TMEM53: variants seen among roughly 807,000 people sequenced by gnomAD.
The protein encoded by TMEM53 is novel DUF829 domain-containing protein.
A neutral mutation model predicts 21.4 loss-of-function variants in TMEM53; 14 were observed. That is an observed-to-expected ratio of 0.65 (90% CI 0.43 to 1.02). TMEM53 has a LOEUF of 1.02. Among genes scored for constraint, TMEM53 ranks in the 50% least tolerant of loss-of-function variants. The pLI is 0.00. For missense variants in TMEM53, 323 were observed against 383.6 expected (o/e 0.84, Z 1.32); for synonymous variants, 148 against 157.4 (o/e 0.94, Z 0.45).
In TMEM53 at chr1:44,670,089, C is replaced by T. The variant is rs561414434; in HGVS notation, c.61+4242G>A. Among the ~76,000 whole-genome samples the T allele has an allele frequency of 5.4e-5, 8 of 149,038 alleles. No individual in the cohort carries two copies. In the South Asian group the frequency reaches 1.3e-3, roughly 23 times the overall value. On this transcript the variant is annotated intron_variant, in intron 1 of 2. Coordinates refer to ENST00000372237, the MANE Select transcript of TMEM53 (RefSeq NM_024587.4). ...CTGGGGTTACAGGTGTGACCCACCA[C>T]GCCCAGCCAGAAAGGGCTCTTATCT... is the stretch of plus-strand genomic sequence containing the variant.
In TMEM53 at chr1:44,653,755, C is replaced by A. The variant is rs528944122; in HGVS notation, c.*804G>T. 6.6e-6 allele frequency: 1 copy of A among 152,264 alleles called. No individual in the cohort carries two copies. The highest frequency in any genetic ancestry group is 1.5e-5 in the Non-Finnish European group (1 of 68,076). The allele number at this position is 152,264 out of a possible 1,614,324, so 9.4% of individuals were successfully genotyped here. A position where few individuals can be genotyped will look rare whatever the true frequency, so the allele number is the denominator to read the frequency against. ...AGCCCCTATCCGCAGCCTGACGCTA[C>A]CCCTGACCGATATACCTTCCCTCTG... On this transcript the variant is annotated 3_prime_UTR_variant, in exon 3 of 3. Coordinates refer to ENST00000372237, the MANE Select transcript of TMEM53 (RefSeq NM_024587.4).
intron 1 of TMEM53, among the ~76,000 whole-genome samples, chr1:44,671,781 T>A (rs1645003341): frequency 6.6e-6 from 1 of 152,224 alleles, no homozygotes; most frequent in Non-Finnish European, 1.5e-5. Flanking sequence ...CTACAAAAAT[T>A]AGCCAGGCAT....
intron 2 of TMEM53, among the ~76,000 whole-genome samples, chr1:44,658,061 G>A (rs1423429726): frequency 6.6e-6 from 1 of 151,868 alleles, no homozygotes; most frequent in African/African-American, 2.4e-5. Flanking sequence ...CCTGTACAAC[G>A]GCCCATTTCC....
At chr1:44,673,917 C>T in intron 1 of TMEM53, 1 of 985,396 alleles carries the variant, frequency 1.0e-6, no homozygotes, top group Non-Finnish European at 1.2e-6. Flanking sequence ...TCGGTGACCC[C>T]GCGAGCCTCC....
At chr1:44,669,224 AT>A (rs1204878514) in intron 1 of TMEM53, among the ~76,000 whole-genome samples, 1 of 152,218 alleles carries the variant, frequency 6.6e-6, no homozygotes, top group Non-Finnish European at 1.5e-5. Context: ...TTGGCAATAT[AT>A]TGTGAACATT....
chr1:44,663,990 A>G (rs1644924490), intron 1 of TMEM53, among the ~76,000 whole-genome samples: 1 of 152,136 alleles, frequency 6.6e-6, no homozygotes, highest in Admixed American at 6.6e-5. Context: ...GCGAAACCTC[A>G]TCTCTATAAA....
Position 44,666,562 on chromosome 1 carries a change from G to A in TMEM53, c.62-6267C>T, listed in dbSNP as rs952958134. On this transcript the variant is annotated intron_variant, in intron 1 of 2. Coordinates refer to ENST00000372237, the MANE Select transcript of TMEM53 (RefSeq NM_024587.4). The stretch of plus-strand genomic sequence containing the variant: ...AAAAAGGAATGAAGTACTAATACAC[G>A]TGATAGCATGGATGAACCTTGAAAA... Among the ~76,000 whole-genome samples, 6 of 152,174 alleles carry A rather than the reference G, an allele frequency of 3.9e-5. No homozygotes were observed. In the South Asian group the frequency reaches 6.2e-4, roughly 16 times the overall value.
At position 44,654,570 on chromosome 1, in the gene TMEM53, C is replaced by A; in HGVS notation, c.823G>T (p.Val275Phe). 6.2e-7 allele frequency: 1 copy of A among 1,604,176 alleles called. No homozygotes were observed. The highest frequency in any genetic ancestry group is 8.5e-7 in the Non-Finnish European group (1 of 1,172,004). ...SLCVDFMRNC[V>F]RC is the part of the protein sequence containing the mutation. ...ATGGAGCAATGGCCTCAGCAGCGGA[C>A]GCAGTTGCGCATGAAGTCGACACAG... The change falls in exon 3 of 3, where the codon GTC becomes TTC. Residue 275 changes from valine to phenylalanine, a missense_variant. Around this residue, in one of 3 missense-constraint regions of TMEM53, gnomAD observed 269 missense variants for 334.5 expected, o/e 0.80. Coordinates refer to ENST00000372237, the MANE Select transcript of TMEM53 (RefSeq NM_024587.4). The surrounding 1 kb of genome is among the most constrained non-coding windows in gnomAD (Gnocchi z 7.0).
rs1644818681 is a variant in TMEM53, at chr1:44,653,482, A to G, written c.*1077T>C. ...GTTAGCTCATCCCAGCTCCTGTTACAATGCTGCTGCCTTCCTGCCCCCCAC... is the reference window on the plus strand; with the variant it reads ...GTTAGCTCATCCCAGCTCCTGTTACGATGCTGCTGCCTTCCTGCCCCCCAC... On this transcript the variant is annotated 3_prime_UTR_variant, in exon 3 of 3. Transcript: ENST00000372237. The G allele has an allele frequency of 6.6e-6, 1 of 152,144 alleles. No homozygotes were observed. The highest frequency in any genetic ancestry group is 1.5e-5 in the Non-Finnish European group (1 of 68,022). 9.4% of individuals were successfully genotyped at this position (152,144 alleles called of 1,614,324 possible). A position where few individuals can be genotyped will look rare whatever the true frequency, so the allele number is the denominator to read the frequency against.
At chr1:44,660,370 A>C in intron 1 of TMEM53, 75 bp from the exon 2 acceptor site, 2 of 1,532,970 alleles carry the variant, frequency 1.3e-6, no homozygotes. Context: ...CAGAGTCAGC[A>C]GCACTCCGGC....
At position 44,655,712 on chromosome 1, in the gene TMEM53, G is replaced by A. The variant is rs1287390748; in HGVS notation, c.184-503C>T. ...CCAGTACCCGAGAGCTGGCCTGCAG[G>A]CGCCAGCCCTGACCACCAGAGGCCA... On this transcript the variant is annotated intron_variant, in intron 2 of 2. Coordinates refer to ENST00000372237, the MANE Select transcript of TMEM53 (RefSeq NM_024587.4). This position sits in a 1 kb window ranked among gnomAD's most constrained non-coding sequence, Gnocchi z 4.4. Among the ~76,000 whole-genome samples the A allele has an allele frequency of 6.6e-6, 1 of 152,050 alleles. No individual in the cohort carries two copies. The highest frequency in any genetic ancestry group is 1.5e-5 in the Non-Finnish European group (1 of 68,012).
rs965135766 is a variant in TMEM53, at chr1:44,674,426, C to A, written c.-35G>T. On this transcript the variant is annotated 5_prime_UTR_variant, in exon 1 of 3. Coordinates refer to ENST00000372237, the MANE Select transcript of TMEM53 (RefSeq NM_024587.4). The stretch of plus-strand genomic sequence containing the variant: ...GCCGGCCCAGAGCACGGGTCTCCAG[C>A]CGGAACTCCCGCTTGCGCACCCGTG... The A allele has an allele frequency of 3.8e-6, 6 of 1,590,068 alleles. No homozygotes were observed. The Admixed American group carries it at 1.1e-4, about 29-fold the overall frequency.
At chr1:44,656,370 G>C (rs1557490930) in intron 2 of TMEM53, among the ~76,000 whole-genome samples, 1 of 152,206 alleles carries the variant, frequency 6.6e-6, no homozygotes, top group African/African-American at 2.4e-5. Context: ...ATGTGGTAGT[G>C]ACAAGGAGAA....
Position 44,660,156 on chromosome 1 carries a change from G to C in TMEM53, c.183+18C>G, listed in dbSNP as rs1286273582. The C allele has an allele frequency of 3.1e-6, 5 of 1,611,164 alleles. No homozygotes were observed. Among genetic ancestry groups the C allele is most frequent in the African/African-American group, 1.3e-5 (1 of 74,912 alleles). On this transcript the variant is annotated intron_variant, in intron 2 of 2. Transcript: ENST00000372237. ...AGCCCTCACGGCAGCCCAGGGGAGAGGGCACCAGAGTACTCACCCTTTTGT... is the reference window on the plus strand; with the variant it reads ...AGCCCTCACGGCAGCCCAGGGGAGACGGCACCAGAGTACTCACCCTTTTGT...
At chr1:44,666,708 G>C (rs1166421092) in intron 1 of TMEM53, among the ~76,000 whole-genome samples, 1 of 152,118 alleles carries the variant, frequency 6.6e-6, no homozygotes, top group Non-Finnish European at 1.5e-5. Context: ...GCCAAGGGCT[G>C]GGGGGAGGAG....
At chr1:44,666,200 A>G (rs959053888) in intron 1 of TMEM53, among the ~76,000 whole-genome samples, 1 of 152,230 alleles carries the variant, frequency 6.6e-6, no homozygotes, top group African/African-American at 2.4e-5. Context: ...TATACCCAGG[A>G]TGGCTATAAT....
chr1:44,665,635 CAA>C (rs60408442), intron 1 of TMEM53, among the ~76,000 whole-genome samples: 7 of 77,052 alleles, frequency 9.1e-5, no homozygotes, highest in Non-Finnish European at 8.1e-5. Context: ...AACTCCATCT[CAA>C]AAAAAAAAAA....
chr1:44,671,573 G>C (rs954559435), intron 1 of TMEM53, among the ~76,000 whole-genome samples: 1 of 152,124 alleles, frequency 6.6e-6, no homozygotes, highest in Non-Finnish European at 1.5e-5. Context: ...ACCAGTCTGG[G>C]CAATACAGTA....
rs1395000462 is a variant in TMEM53 at position 44,655,088 on chromosome 1, A to G, written c.305T>C (p.Ile102Thr). 2 of 1,614,054 alleles carry G rather than the reference A, an allele frequency of 1.2e-6. No individual in the cohort carries two copies. The highest frequency in any genetic ancestry group is 2.2e-5 in the East Asian group (1 of 44,896). Residue 102 changes from isoleucine (I) to threonine (T), a missense_variant, in exon 3 of 3, where the codon ATT (isoleucine) becomes ACT (threonine). By Grantham distance (89) the Ile-to-Thr change is moderately conservative. Around this residue, in one of 3 missense-constraint regions of TMEM53, gnomAD observed 269 missense variants for 334.5 expected, o/e 0.80. Transcript: ENST00000372237. The surrounding 1 kb of genome is among the most constrained non-coding windows in gnomAD (Gnocchi z 4.4). Reference protein sequence around the residue: ...KLLELLFDYEIEKEPLLFHVF... With the variant: ...KLLELLFDYETEKEPLLFHVF... ...ATGGAAGAGCAGGGGCTCCTTCTCAATCTCATAATCAAAGAGCAGCTCGAG... is the reference window on the plus strand; with the variant it reads ...ATGGAAGAGCAGGGGCTCCTTCTCAGTCTCATAATCAAAGAGCAGCTCGAG...
Sources: gnomAD v4.1 joint callset for allele counts (sites outside exome capture counted in the v4.1 genomes callset) on GRCh38, gnomAD v4.1.1 for gene constraint, gnomAD v4.1.1 regional missense constraint, Gnocchi (gnomAD v3.1) non-coding constraint, MANE v1.5 for transcripts, NCBI Gene and HGNC (gene_info 2026-07-23, HGNC 2026-07-21) for gene names.